AR: variants seen among roughly 807,000 people sequenced by gnomAD.
The protein encoded by AR is androgen receptor, also known as dihydrotestosterone receptor.
AR carries 8 observed loss-of-function variants against 53.9 expected under a neutral mutation model. The ratio of observed to expected loss-of-function variants is 0.15; its 90% CI spans 0.09 to 0.27. The LOEUF (loss-of-function observed/expected upper bound fraction) is 0.27. Among genes scored for constraint, AR ranks in the 10% least tolerant of loss-of-function variants. The probability of loss-of-function intolerance (pLI) is 1.00; values close to 1 mark genes in which losing one functional copy is unlikely to be tolerated. For missense variants in AR, 639 were observed against 742.5 expected (o/e 0.86, Z 1.62); for synonymous variants, 359 against 316.4 (o/e 1.13, Z -1.43).
At chrX:67,553,112 G>A (rs1197336326) in intron 1 of AR, among the ~76,000 whole-genome samples, 1 of 111,226 alleles carries the variant, frequency 9.0e-6, no homozygotes, top group African/African-American at 3.3e-5. Flanking sequence ...TATGATTTTG[G>A]CGTCGTATCT....
chrX:67,635,777 C>G (rs759929498), intron 1 of AR, among the ~76,000 whole-genome samples: 10 of 111,244 alleles, frequency 9.0e-5, no homozygotes, highest in Admixed American at 2.9e-4. Flanking sequence ...CTATGGGGCA[C>G]TGCTTTTGCT....
chrX:67,688,258 A>T (rs2075977648), intron 3 of AR, among the ~76,000 whole-genome samples: 1 of 111,509 alleles, frequency 9.0e-6, no homozygotes, highest in Non-Finnish European at 1.9e-5. Context: ...TGTTGTGTAA[A>T]TGGCCTTGCC....
intron 3 of AR, among the ~76,000 whole-genome samples, chrX:67,706,976 C>T (rs1384562784): frequency 1.8e-5 from 2 of 111,781 alleles, no homozygotes; most frequent in African/African-American, 6.5e-5. Flanking sequence ...GTTTCTTAAT[C>T]CTGAGTTCCA....
chrX:67,633,630 G>T (rs895258754), intron 1 of AR, among the ~76,000 whole-genome samples: 1 of 112,108 alleles, frequency 8.9e-6, no homozygotes, highest in African/African-American at 3.2e-5. Flanking sequence ...TAGCCAAAGA[G>T]TGGACGACAA....
At chrX:67,672,750 T>G (rs1352205360) in intron 2 of AR, among the ~76,000 whole-genome samples, 2 of 111,695 alleles carry the variant, frequency 1.8e-5, no homozygotes, top group African/African-American at 6.5e-5. Flanking sequence ...GATTGGTTCA[T>G]CTCATAGTCT....
chrX:67,593,221 A>G (rs1922916538), intron 1 of AR, among the ~76,000 whole-genome samples: 1 of 111,310 alleles, frequency 9.0e-6, no homozygotes, highest in Non-Finnish European at 1.9e-5. Context: ...TGAAGCCCAT[A>G]TGATCTTTTC....
chrX:67,565,305 A>C (rs1223059161), intron 1 of AR, among the ~76,000 whole-genome samples: 1 of 112,154 alleles, frequency 8.9e-6, no homozygotes, highest in Admixed American at 9.5e-5. Flanking sequence ...TCTATAAGAA[A>C]TCAGGTAAGC....
chrX:67,665,221 G>T (rs1927203168), intron 2 of AR, among the ~76,000 whole-genome samples: 1 of 112,643 alleles, frequency 8.9e-6, no homozygotes, highest in Non-Finnish European at 1.9e-5. Context: ...GCTGGGAGCT[G>T]TAGACTGGAG....
intron 1 of AR, among the ~76,000 whole-genome samples, chrX:67,632,511 G>A (rs984383545): frequency 1.8e-5 from 2 of 112,201 alleles, no homozygotes; most frequent in Admixed American, 9.4e-5. Context: ...CACACGGTGC[G>A]CTGCACCCAC....
intron 1 of AR, among the ~76,000 whole-genome samples, chrX:67,549,858 A>G (rs1929927465): frequency 8.9e-6 from 1 of 112,162 alleles, no homozygotes; most frequent in South Asian, 3.7e-4. Flanking sequence ...ATTTTTCAAA[A>G]TAAGGCATTT....
chrX:67,711,794 G>T lies in AR; in HGVS notation c.2173+105G>T. ...GGTGCTTTTCTGCCCATTAACTCAGGCAGTCTTCATCATAACCCTGTGGGA... is the reference window on the plus strand; with the variant it reads ...GGTGCTTTTCTGCCCATTAACTCAGTCAGTCTTCATCATAACCCTGTGGGA... On this transcript the variant is annotated intron_variant, in intron 4 of 7. Transcript: ENST00000374690. The T allele has an allele frequency of 1.2e-5, 10 of 865,204 alleles. No individual in the cohort carries two copies. In the South Asian group the frequency reaches 2.8e-4, roughly 24 times the overall value. 71.3% of individuals were successfully genotyped at this position (865,204 alleles called of 1,213,427 possible).
At chrX:67,716,088 A>T in intron 4 of AR, among the ~76,000 whole-genome samples, 1 of 111,873 alleles carries the variant, frequency 8.9e-6, no homozygotes, top group Non-Finnish European at 1.9e-5. Flanking sequence ...AGGAAAAAAA[A>T]TTGAGGGTCT....
chrX:67,647,938 C>A (rs942353873), intron 2 of AR, among the ~76,000 whole-genome samples: 8 of 111,821 alleles, frequency 7.2e-5, no homozygotes, highest in South Asian at 3.7e-4. Context: ...TTCTTTTTTA[C>A]CATTTAAAAA....
intron 3 of AR, among the ~76,000 whole-genome samples, chrX:67,693,067 A>G (rs1278496570): frequency 8.9e-6 from 1 of 112,871 alleles, no homozygotes. Flanking sequence ...TAGCACATAT[A>G]TGTTGTACTC....
At chrX:67,578,218 G>C (rs1012760331) in intron 1 of AR, among the ~76,000 whole-genome samples, 4 of 111,491 alleles carry the variant, frequency 3.6e-5, no homozygotes, top group Non-Finnish European at 5.7e-5. Flanking sequence ...AGGGAGGAAA[G>C]GGATATGAAC....
intron 1 of AR, among the ~76,000 whole-genome samples, chrX:67,631,774 C>G (rs1261327429): frequency 1.9e-4 from 21 of 112,330 alleles, no homozygotes; most frequent in African/African-American, 6.8e-4. Flanking sequence ...GTGGTTTTAT[C>G]TACTTTTGGT....
At chrX:67,722,686 A>G (rs2076140797) in intron 6 of AR, 141 bp from the exon 7 acceptor site, 1 of 692,584 alleles carries the variant, frequency 1.4e-6, no homozygotes, top group Admixed American at 2.7e-5. Flanking sequence ...CCAAGCACAC[A>G]GACTTCAACT....
intron 2 of AR, among the ~76,000 whole-genome samples, chrX:67,666,706 T>A (rs763366859): frequency 1.6e-4 from 18 of 111,780 alleles, no homozygotes; most frequent in Non-Finnish European, 1.9e-5. Context: ...TTTCTCCACA[T>A]CCTCACCAGC....
At chrX:67,701,440 C>T (rs750998502) in intron 3 of AR, among the ~76,000 whole-genome samples, 2 of 111,603 alleles carry the variant, frequency 1.8e-5, no homozygotes, top group Admixed American at 1.9e-4. Flanking sequence ...ACCTTGCCCT[C>T]TCTGGCTTCA....
Sources: gnomAD v4.1 joint callset for allele counts (sites outside exome capture counted in the v4.1 genomes callset) on GRCh38, gnomAD v4.1.1 for gene constraint, MANE v1.5 for transcripts, NCBI Gene and HGNC (gene_info 2026-07-23, HGNC 2026-07-21) for gene names.